CTNND2: variants seen among roughly 807,000 people sequenced by gnomAD.
CTNND2 encodes the protein catenin delta-2.
CTNND2 carries 22 observed loss-of-function variants against 144.4 expected under a neutral mutation model. That is an observed-to-expected ratio of 0.15 (90% CI 0.11 to 0.22). The LOEUF (loss-of-function observed/expected upper bound fraction) is 0.22. CTNND2 is among the 10% of genes least tolerant of loss of function. CTNND2 has a pLI of 1.00. For missense variants in CTNND2, 1,353 were observed against 1,618.8 expected, an observed-to-expected ratio of 0.84 and a Z score of 2.82; for synonymous variants, 751 against 695.6, an observed-to-expected ratio of 1.08 and a Z score of -1.25.
chr5:11,027,784 C>T (rs1321104946), intron 16 of CTNND2, among the ~76,000 whole-genome samples: 1 of 152,202 alleles, frequency 6.6e-6, no homozygotes, highest in African/African-American at 2.4e-5. Flanking sequence ...CCCCAAGGGA[C>T]TCACTCAGGA....
intron 1 of CTNND2, among the ~76,000 whole-genome samples, chr5:11,787,681 A>C (rs1790906484): frequency 6.7e-6 from 1 of 148,754 alleles, no homozygotes; most frequent in African/African-American, 2.5e-5. Flanking sequence ...CCCATAATTT[A>C]ATAAAGGAAA....
chr5:11,037,249 T>C (rs1744181134), intron 16 of CTNND2, among the ~76,000 whole-genome samples: 1 of 152,216 alleles, frequency 6.6e-6, no homozygotes. Context: ...TTAGTGGTTA[T>C]AATGAGTAAA....
intron 16 of CTNND2, among the ~76,000 whole-genome samples, chr5:11,028,101 C>A (rs1023142891): frequency 6.6e-6 from 1 of 152,208 alleles, no homozygotes; most frequent in Admixed American, 6.5e-5. Context: ...CCTACACTTA[C>A]TATAGATCTC....
At chr5:11,853,838 A>G (rs1243239474) in intron 1 of CTNND2, among the ~76,000 whole-genome samples, 1 of 152,030 alleles carries the variant, frequency 6.6e-6, no homozygotes, top group African/African-American at 2.4e-5. Context: ...CACTCTTGCC[A>G]CCTCCATTGT....
At chr5:11,196,496 G>A (rs1322701471) in intron 11 of CTNND2, among the ~76,000 whole-genome samples, 1 of 152,156 alleles carries the variant, frequency 6.6e-6, no homozygotes, top group African/African-American at 2.4e-5. Flanking sequence ...TTAGATCCAC[G>A]GGAGAATTGC....
intron 17 of CTNND2, among the ~76,000 whole-genome samples, chr5:11,020,394 G>A (rs1742114521): frequency 6.6e-6 from 1 of 151,850 alleles, no homozygotes; most frequent in African/African-American, 2.4e-5. Flanking sequence ...AATAATTTAG[G>A]GTGGGCAAAT....
intron 3 of CTNND2, among the ~76,000 whole-genome samples, chr5:11,511,917 G>T (rs909421429): frequency 6.6e-6 from 1 of 152,152 alleles, no homozygotes; most frequent in East Asian, 1.9e-4. Flanking sequence ...CATTACCAAA[G>T]AATTTGTTTT....
At chr5:11,443,317 G>GCCA (rs1764480298) in intron 3 of CTNND2, among the ~76,000 whole-genome samples, 1 of 91,314 alleles carries the variant, frequency 1.1e-5, no homozygotes. Flanking sequence ...TGTGGTGTGT[G>GCCA]TGCATGTGTG....
chr5:11,184,307 T>C (rs1324314417), intron 11 of CTNND2, among the ~76,000 whole-genome samples: 1 of 152,258 alleles, frequency 6.6e-6, no homozygotes, highest in African/African-American at 2.4e-5. Flanking sequence ...TAAGTATATC[T>C]GGAAACCAGA....
chr5:11,190,419 GA>G (rs1265211855), intron 11 of CTNND2, among the ~76,000 whole-genome samples: 1 of 152,178 alleles, frequency 6.6e-6, no homozygotes, highest in Non-Finnish European at 1.5e-5. Context: ...GAGGAGAAGG[GA>G]AGCTGCCCTG....
chr5:11,683,162 T>C (rs1333399050), intron 2 of CTNND2, among the ~76,000 whole-genome samples: 1 of 152,218 alleles, frequency 6.6e-6, no homozygotes, highest in Non-Finnish European at 1.5e-5. Flanking sequence ...TAACGCATTT[T>C]ACCCTTCACT....
intron 3 of CTNND2, among the ~76,000 whole-genome samples, chr5:11,482,690 G>A (rs1768397464): frequency 6.6e-6 from 1 of 152,080 alleles, no homozygotes; most frequent in South Asian, 2.1e-4. Flanking sequence ...GTAAAACACT[G>A]TCTCCCTGAG....
chr5:11,732,849 C>T (rs61763021), intron 1 of CTNND2, among the ~76,000 whole-genome samples: 303 of 152,056 alleles, frequency 2.0e-3, no homozygotes, highest in African/African-American at 7.1e-3. Flanking sequence ...TCCTCCCTGC[C>T]TCCTTTCTGA....
intron 1 of CTNND2, among the ~76,000 whole-genome samples, chr5:11,897,006 T>A (rs566330973): frequency 2.6e-5 from 4 of 152,178 alleles, no homozygotes; most frequent in Non-Finnish European, 5.9e-5. Context: ...CAACCTTCCA[T>A]GTCCTGGGTT....
At chr5:11,360,559 A>C (rs1283798658) in intron 8 of CTNND2, among the ~76,000 whole-genome samples, 1 of 152,036 alleles carries the variant, frequency 6.6e-6, no homozygotes, top group Non-Finnish European at 1.5e-5. Context: ...TCACACTCAT[A>C]CCTTCCCTTG....
chr5:11,140,229 C>T (rs892216859), intron 12 of CTNND2, among the ~76,000 whole-genome samples: 22 of 152,068 alleles, frequency 1.4e-4, no homozygotes, highest in African/African-American at 5.3e-4. Context: ...ACATTGGTAC[C>T]CAAAGAAAAC....
chr5:11,048,042 T>C (rs1745455588), intron 16 of CTNND2, among the ~76,000 whole-genome samples: 1 of 152,110 alleles, frequency 6.6e-6, no homozygotes. Flanking sequence ...CGCTTCACCA[T>C]CCCCAAATCC....
chr5:11,288,303 CT>C (rs1351351971), intron 9 of CTNND2, among the ~76,000 whole-genome samples: 1 of 151,656 alleles, frequency 6.6e-6, no homozygotes, highest in African/African-American at 2.4e-5. Flanking sequence ...GAAACTGCTT[CT>C]AAAATGTTTT....
intron 9 of CTNND2, among the ~76,000 whole-genome samples, chr5:11,257,697 A>T (rs979584400): frequency 2.6e-5 from 4 of 152,202 alleles, no homozygotes; most frequent in African/African-American, 9.6e-5. Flanking sequence ...GATGAGATTC[A>T]GGTGGGAACA....
Sources: gnomAD v4.1 joint callset for allele counts (sites outside exome capture counted in the v4.1 genomes callset) on GRCh38, gnomAD v4.1.1 for gene constraint, MANE v1.5 for transcripts, NCBI Gene and HGNC (gene_info 2026-07-23, HGNC 2026-07-21) for gene names.